ZNF827: variants seen among roughly 807,000 people sequenced by gnomAD.
ZNF827 encodes zinc finger protein 827.
Under a neutral mutation model 102.4 loss-of-function variants are expected in ZNF827, and 13 were observed. The observed-to-expected ratio is 0.13, with a 90% confidence interval of 0.08 to 0.20. The LOEUF is 0.20. ZNF827 is among the 10% of genes least tolerant of loss of function. The probability of loss-of-function intolerance (pLI) is 1.00; values close to 1 mark genes in which losing one functional copy is unlikely to be tolerated. For missense variants in ZNF827, 1,103 were observed against 1,344.4 expected, an observed-to-expected ratio of 0.82 and a Z score of 2.81; for synonymous variants, 523 against 536.2, an observed-to-expected ratio of 0.98 and a Z score of 0.34.
chr4:145,924,603 C>A (rs1753294814), intron 1 of ZNF827, among the ~76,000 whole-genome samples: 1 of 152,204 alleles, frequency 6.6e-6, no homozygotes, highest in South Asian at 2.1e-4. Flanking sequence ...CATCCACCGC[C>A]ATCCACCTGA....
intron 8 of ZNF827, among the ~76,000 whole-genome samples, chr4:145,781,679 A>G (rs1411973276): frequency 2.0e-5 from 3 of 152,200 alleles, no homozygotes; most frequent in Middle Eastern, 6.3e-3. Flanking sequence ...GAGGACAAGA[A>G]CTACTCTTAA....
intron 5 of ZNF827, among the ~76,000 whole-genome samples, chr4:145,865,328 A>G (rs1448937232): frequency 6.6e-6 from 1 of 152,238 alleles, no homozygotes; most frequent in Non-Finnish European, 1.5e-5. Flanking sequence ...AGTAAAATGT[A>G]CATTTAATAG....
chr4:145,791,514 T>C (rs1234074638), intron 8 of ZNF827, among the ~76,000 whole-genome samples: 1 of 152,200 alleles, frequency 6.6e-6, no homozygotes, highest in African/African-American at 2.4e-5. Flanking sequence ...TCATAATGAT[T>C]GGCAGCACTG....
In ZNF827 at chr4:145,761,274, G is replaced by A; in HGVS notation, c.*342C>T. On this transcript the variant is annotated 3_prime_UTR_variant, in exon 15 of 15. Transcript: ENST00000508784. The surrounding 1 kb of genome is among the most constrained non-coding windows in gnomAD (Gnocchi z 6.8). ...GGCACTCTTCGCAGCTGAAGGTCTG[G>A]CGTGGGGCGTGCTTCAGCTTCTTGT... The A allele has an allele frequency of 3.1e-6, 4 of 1,289,922 alleles. No individual in the cohort carries two copies. The highest frequency in any genetic ancestry group is 3.0e-5 in the African/African-American group (2 of 66,002). 79.9% of individuals were successfully genotyped at this position (1,289,922 alleles called of 1,614,324 possible). A position where few individuals can be genotyped will look rare whatever the true frequency, so the allele number is the denominator to read the frequency against.
chr4:145,827,865 G>C (rs1253173257), intron 7 of ZNF827, among the ~76,000 whole-genome samples: 2 of 152,220 alleles, frequency 1.3e-5, no homozygotes, highest in African/African-American at 2.4e-5. Context: ...TTCATTTTCA[G>C]AATGCTGAAA....
chr4:145,833,428 C>T lies in ZNF827; in HGVS notation c.2280-9903G>A, dbSNP rs572891303. Among the ~76,000 whole-genome samples the T allele has an allele frequency of 1.2e-4, 19 of 152,274 alleles. 1 individual carries two copies. In the South Asian group the frequency reaches 2.3e-3, roughly 18 times the overall value. On this transcript the variant is annotated intron_variant, in intron 7 of 14. Coordinates refer to ENST00000508784, the MANE Select transcript of ZNF827 (RefSeq NM_001306215.2). Reference sequence around the variant, plus strand: ...CCCACGTTTCAAAGGTGTCAGACCACGCAGGGACGCCTGCCTTAGTCCTTC... The same window carrying T: ...CCCACGTTTCAAAGGTGTCAGACCATGCAGGGACGCCTGCCTTAGTCCTTC...
intron 5 of ZNF827, among the ~76,000 whole-genome samples, chr4:145,850,504 T>C (rs1442413267): frequency 6.6e-6 from 1 of 152,202 alleles, no homozygotes; most frequent in Non-Finnish European, 1.5e-5. Flanking sequence ...GTTATAATAA[T>C]GGTACAATTT....
intron 5 of ZNF827, among the ~76,000 whole-genome samples, chr4:145,849,975 G>A (rs1300683371): frequency 6.6e-6 from 1 of 152,008 alleles, no homozygotes; most frequent in African/African-American, 2.4e-5. Context: ...AATCAAATAA[G>A]AGCAAGCATC....
intron 8 of ZNF827, among the ~76,000 whole-genome samples, chr4:145,815,119 G>C (rs1742463098): frequency 6.6e-6 from 1 of 152,162 alleles, no homozygotes; most frequent in South Asian, 2.1e-4. Flanking sequence ...TTCACTGATT[G>C]ATGTTTTTGG....
Position 145,885,886 on chromosome 4 carries a change from T to A in ZNF827, c.1539A>T (p.Gly513=), listed in dbSNP as rs1375079912. Residue 513 remains glycine, a synonymous_variant, in exon 4 of 15, where the codon GGA becomes GGT. Transcript: ENST00000508784. ...TSNTPERTSQ[G]GAGVSPLLVK... ...CCAGCAAAGGCGAGACGCCAGCCCC[T>A]CCCTGGCTAGTCCTCTCTGGAGTGT... The A allele has an allele frequency of 6.2e-7, 1 of 1,614,200 alleles. No individual in the cohort carries two copies. Among genetic ancestry groups the A allele is most frequent in the Non-Finnish European group, 8.5e-7 (1 of 1,180,026 alleles).
Position 145,765,539 on chromosome 4 carries a change from C to G in ZNF827, c.3052+8G>C, listed in dbSNP as rs776654285. On this transcript the variant is annotated splice_region_variant and intron_variant, in intron 12 of 14. Coordinates refer to ENST00000508784, the MANE Select transcript of ZNF827 (RefSeq NM_001306215.2). The surrounding 1 kb of genome is among the most constrained non-coding windows in gnomAD (Gnocchi z 4.7). ...GGTTGAGCAGGCTCACACCCACCTC[C>G]TCCTTACCTTTCTCTGGCTTTTCCT... The G allele has an allele frequency of 1.2e-5, 19 of 1,608,114 alleles. No individual in the cohort carries two copies. In the South Asian group the frequency reaches 1.7e-4, roughly 14 times the overall value.
intron 7 of ZNF827, among the ~76,000 whole-genome samples, chr4:145,826,426 A>G (rs966339197): frequency 3.9e-5 from 6 of 152,216 alleles, no homozygotes; most frequent in African/African-American, 1.2e-4. Flanking sequence ...CTTGGTCCTC[A>G]TAAGAACCCT....
intron 8 of ZNF827, among the ~76,000 whole-genome samples, chr4:145,782,111 C>A (rs1738149933): frequency 6.6e-6 from 1 of 152,218 alleles, no homozygotes; most frequent in Non-Finnish European, 1.5e-5. Context: ...GCCACAGTCC[C>A]ACGCCCAACT....
rs886995462 is a variant in ZNF827 at position 145,938,789 on chromosome 4, G to A, written c.-382C>T. On this transcript the variant is annotated 5_prime_UTR_variant, in exon 1 of 15. Coordinates refer to ENST00000508784, the MANE Select transcript of ZNF827 (RefSeq NM_001306215.2). ...TGCCGGTGCGGCGGTGTCTATGGCC[G>A]CGCTCTGTGTCTCCGAGCCCCTAAC... Among the ~76,000 whole-genome samples the A allele has an allele frequency of 6.6e-6, 1 of 151,872 alleles. No individual in the cohort carries two copies. The highest frequency in any genetic ancestry group is 2.4e-5 in the African/African-American group (1 of 41,326).
At chr4:145,928,659 C>T (rs560697117) in intron 1 of ZNF827, among the ~76,000 whole-genome samples, 9 of 152,332 alleles carry the variant, frequency 5.9e-5, no homozygotes, top group African/African-American at 1.9e-4. Context: ...GCTTGTGTCA[C>T]GGCTGCAATG....
Position 145,779,379 on chromosome 4 carries a change from T to C in ZNF827, c.2516A>G (p.His839Arg). ...CCCAGGCCCTACTCACTCACCTGTGTGCAGCGAGAGGTGTCGGGACAATGT... is the reference window on the plus strand; with the variant it reads ...CCCAGGCCCTACTCACTCACCTGTGCGCAGCGAGAGGTGTCGGGACAATGT... ...QQTLSRHLSL[H>R]TEERKYKCHL... The change falls in exon 9 of 15, where the codon CAC (histidine) becomes CGC (arginine). Residue 839 changes from histidine to arginine, a missense_variant. Physicochemically the swap from His to Arg is conservative, Grantham distance 29. Coordinates refer to ENST00000508784, the MANE Select transcript of ZNF827 (RefSeq NM_001306215.2). 6.2e-7 allele frequency: 1 copy of C among 1,613,992 alleles called. No homozygotes were observed. Among genetic ancestry groups the C allele is most frequent in the Non-Finnish European group, 8.5e-7 (1 of 1,179,880 alleles).
At chr4:145,815,624 T>G (rs1742527444) in intron 8 of ZNF827, among the ~76,000 whole-genome samples, 1 of 152,168 alleles carries the variant, frequency 6.6e-6, no homozygotes, top group Non-Finnish European at 1.5e-5. Flanking sequence ...TGAAAAGAAA[T>G]AAACACAAAG....
chr4:145,793,846 A>T (rs1453865114), intron 8 of ZNF827, among the ~76,000 whole-genome samples: 3 of 152,148 alleles, frequency 2.0e-5, no homozygotes, highest in Non-Finnish European at 1.5e-5. Flanking sequence ...TGAATTAGGG[A>T]GAACTGGAAG....
At chr4:145,838,265 A>T (rs1353623407) in intron 7 of ZNF827, among the ~76,000 whole-genome samples, 3 of 152,084 alleles carry the variant, frequency 2.0e-5, no homozygotes, top group Admixed American at 2.0e-4. Flanking sequence ...TTCCTGGCTC[A>T]TCCTGGCTCA....
Sources: allele counts gnomAD v4.1 joint callset (sites outside exome capture counted in the v4.1 genomes callset), GRCh38; gene constraint gnomAD v4.1.1; non-coding constraint Gnocchi (gnomAD v3.1); transcripts MANE v1.5; gene names NCBI Gene and HGNC (gene_info 2026-07-23, HGNC 2026-07-21).